Variants in RNF152 observed in about 807,000 individuals in gnomAD.
RNF152 encodes E3 ubiquitin-protein ligase RNF152.
A neutral mutation model predicts 12.7 loss-of-function variants in RNF152; 11 were observed. That is an observed-to-expected ratio of 0.86 (90% CI 0.54 to 1.43). The LOEUF (loss-of-function observed/expected upper bound fraction) is 1.43. Among genes scored for constraint, RNF152 ranks in the 40% most tolerant of loss-of-function variants. The pLI is 0.00. For synonymous variants in RNF152, 113 were observed against 120.3 expected (o/e 0.94, Z 0.40); for missense variants, 255 against 274.8 (o/e 0.93, Z 0.51).
intron 1 of RNF152, among the ~76,000 whole-genome samples, chr18:61,840,298 G>T (rs573008953): frequency 6.6e-6 from 1 of 152,296 alleles, no homozygotes; most frequent in African/African-American, 2.4e-5. Context: ...ATGGTATTTT[G>T]CTATAGCAGC....
chr18:61,862,105 G>A (rs145346895), intron 1 of RNF152, among the ~76,000 whole-genome samples: 156 of 152,242 alleles, frequency 1.0e-3, no homozygotes, highest in African/African-American at 3.5e-3. Context: ...AGCTGGGGAA[G>A]GACCATGAGT....
chr18:61,887,593 G>C (rs537434456), intron 1 of RNF152, among the ~76,000 whole-genome samples: 1 of 151,624 alleles, frequency 6.6e-6, no homozygotes, highest in South Asian at 2.1e-4. Context: ...CCAGCTACTC[G>C]AGAGGCTGAG....
intron 1 of RNF152, among the ~76,000 whole-genome samples, chr18:61,833,847 T>C (rs1910062382): frequency 6.6e-6 from 1 of 152,044 alleles, no homozygotes; most frequent in Admixed American, 6.6e-5. Context: ...CTCTCTCAAT[T>C]ATAGCTACTT....
chr18:61,887,446 C>T (rs1202724934), intron 1 of RNF152, among the ~76,000 whole-genome samples: 2 of 152,222 alleles, frequency 1.3e-5, no homozygotes, highest in South Asian at 2.1e-4. Context: ...TGGCTAGGTG[C>T]GGTGGCTCAC....
chr18:61,820,803 G>A (rs555600001), intron 1 of RNF152, among the ~76,000 whole-genome samples: 28 of 152,182 alleles, frequency 1.8e-4, no homozygotes, highest in Non-Finnish European at 3.5e-4. Flanking sequence ...TAGCTCAGCA[G>A]AGTGGGAAGA....
At chr18:61,894,295 G>T (rs1041990556), upstream of RNF152, 1 of 150,870 alleles carries the variant, frequency 6.6e-6, no homozygotes, top group Non-Finnish European at 1.5e-5. The surrounding 1 kb of genome is among the most constrained non-coding windows in gnomAD (Gnocchi z 4.9). Context: ...AGAGCCACGG[G>T]GCGGACGCTG....
intron 1 of RNF152, among the ~76,000 whole-genome samples, chr18:61,884,393 A>G (rs1050769644): frequency 2.0e-5 from 3 of 152,030 alleles, no homozygotes; most frequent in Non-Finnish European, 4.4e-5. Flanking sequence ...AAGAATTGAG[A>G]GAATATCAGA....
At position 61,810,485 on chromosome 18, in the gene RNF152, T is replaced by A. The variant is rs1008074406; in HGVS notation, c.*5367A>T. 1 of 152,040 alleles carries A rather than the reference T, an allele frequency of 6.6e-6. No individual in the cohort carries two copies. The highest frequency in any genetic ancestry group is 2.4e-5 in the African/African-American group (1 of 41,380). 9.4% of individuals were successfully genotyped at this position (152,040 alleles called of 1,614,324 possible). ...ACATGGAGAAACCCCGTCTCTACTT[T>A]AAAAAATACAAAATTAGCTGGGCAT... On this transcript the variant is annotated 3_prime_UTR_variant, in exon 2 of 2. Transcript: ENST00000312828.
chr18:61,846,802 G>A (rs946158444), intron 1 of RNF152, among the ~76,000 whole-genome samples: 1 of 152,154 alleles, frequency 6.6e-6, no homozygotes, highest in Non-Finnish European at 1.5e-5. Context: ...ACAATGCAAT[G>A]CACTGATATC....
At chr18:61,887,689 G>A (rs1266837041) in intron 1 of RNF152, among the ~76,000 whole-genome samples, 5 of 137,760 alleles carry the variant, frequency 3.6e-5, no homozygotes, top group East Asian at 2.1e-4. Context: ...GTGACAGAGT[G>A]AGACTCCATC....
chr18:61,841,325 A>G (rs925058884), intron 1 of RNF152, among the ~76,000 whole-genome samples: 1 of 152,222 alleles, frequency 6.6e-6, no homozygotes, highest in African/African-American at 2.4e-5. Flanking sequence ...GCAACATAAC[A>G]TGACACTAGT....
intron 1 of RNF152, among the ~76,000 whole-genome samples, chr18:61,834,971 G>A (rs1910116571): frequency 6.6e-6 from 1 of 152,086 alleles, no homozygotes; most frequent in African/African-American, 2.4e-5. Context: ...ACGTTCCCTG[G>A]GTGATTCCAA....
At position 61,815,824 on chromosome 18, in the gene RNF152, C is replaced by A. The variant is rs1288045176; in HGVS notation, c.*28G>T. 1.9e-6 allele frequency: 3 copies of A among 1,602,008 alleles called. No individual in the cohort carries two copies. The South Asian group carries it at 3.4e-5, about 18-fold the overall frequency. On this transcript the variant is annotated 3_prime_UTR_variant, in exon 2 of 2. Transcript: ENST00000312828. ...AACCTGCTCAACCCCTAAGTTGGCA[C>A]CCACAAGAGACTTCCCTGCAGCCCT...
rs1348218398 is a variant in RNF152 at position 61,808,494 on chromosome 18, T to C, written c.*7358A>G. ...TAATAGCCTCTGAGCAGCATTAATA[T>C]AGCCATTAGACTGGAGTATTTGTTA... On this transcript the variant is annotated 3_prime_UTR_variant, in exon 2 of 2. Transcript: ENST00000312828. The C allele has an allele frequency of 3.4e-5, 5 of 148,926 alleles. No individual in the cohort carries two copies. Among genetic ancestry groups the C allele is most frequent in the South Asian group, 2.1e-4 (1 of 4,688 alleles). The allele number at this position is 148,926 out of a possible 1,614,324, so 9.2% of individuals were successfully genotyped here.
chr18:61,857,640 C>T (rs1009733835), intron 1 of RNF152, among the ~76,000 whole-genome samples: 16 of 152,128 alleles, frequency 1.1e-4, no homozygotes, highest in African/African-American at 3.9e-4. Context: ...GATACAGGGA[C>T]ACAAAAGTAG....
chr18:61,858,471 A>AAG, intron 1 of RNF152, among the ~76,000 whole-genome samples: 1 of 151,882 alleles, frequency 6.6e-6, no homozygotes. Context: ...ATCTGCCCCT[A>AAG]AGATCCAGCC....
Position 61,839,030 on chromosome 18 carries a change from G to A in RNF152, c.-135-22432C>T, listed in dbSNP as rs1352683437. On this transcript the variant is annotated intron_variant, in intron 1 of 1. Transcript: ENST00000312828. ...CTTCTACAACTTCAGTAAACATAATGTTCATCAGATCCCACTCTGTGGCCA... is the reference window on the plus strand; with the variant it reads ...CTTCTACAACTTCAGTAAACATAATATTCATCAGATCCCACTCTGTGGCCA... Among the ~76,000 whole-genome samples, 5 of 143,498 alleles carry A rather than the reference G, an allele frequency of 3.5e-5. No homozygotes were observed. The Admixed American group carries it at 3.7e-4, about 11-fold the overall frequency. The allele number at this position is 143,498 out of a possible 152,430, so 94.1% of individuals were successfully genotyped here.
intron 1 of RNF152, among the ~76,000 whole-genome samples, chr18:61,886,109 C>T (rs1190969974): frequency 6.6e-6 from 1 of 150,502 alleles, no homozygotes; most frequent in Non-Finnish European, 1.5e-5. Flanking sequence ...ACATTCACCT[C>T]CCAAACATTG....
chr18:61,816,554 A>G lies in RNF152; in HGVS notation c.-91T>C. 7.0e-7 allele frequency: 1 copy of G among 1,420,684 alleles called. No individual in the cohort carries two copies. The highest frequency in any genetic ancestry group is 2.3e-5 in the East Asian group (1 of 43,450). 88.0% of individuals were successfully genotyped at this position (1,420,684 alleles called of 1,614,324 possible). ...CGCCCTGTGTCTTTGCAGTGCAGGTAATGGCAAGCTCACAGGCATCCAGTA... is the reference window on the plus strand; with the variant it reads ...CGCCCTGTGTCTTTGCAGTGCAGGTGATGGCAAGCTCACAGGCATCCAGTA... On this transcript the variant is annotated 5_prime_UTR_variant, in exon 2 of 2. Coordinates refer to ENST00000312828, the MANE Select transcript of RNF152 (RefSeq NM_173557.3).
Sources: gnomAD v4.1 joint callset for allele counts (sites outside exome capture counted in the v4.1 genomes callset) on GRCh38, gnomAD v4.1.1 for gene constraint, Gnocchi (gnomAD v3.1) non-coding constraint, MANE v1.5 for transcripts, NCBI Gene and HGNC (gene_info 2026-07-23, HGNC 2026-07-21) for gene names.